CNTN5: variants seen among roughly 807,000 people sequenced by gnomAD.
CNTN5 encodes the protein contactin 5.
Under a neutral mutation model 129.1 loss-of-function variants are expected in CNTN5, and 77 were observed. The observed-to-expected ratio is 0.60, with a 90% confidence interval of 0.50 to 0.72. The LOEUF (loss-of-function observed/expected upper bound fraction) is 0.72. Ranked by LOEUF, CNTN5 falls within the 30% of genes least tolerant of loss-of-function variation. The pLI, the probability that CNTN5 is intolerant of heterozygous loss-of-function variation, is 0.00. For missense variants in CNTN5, 1,478 were observed against 1,328.8 expected, an observed-to-expected ratio of 1.11 and a Z score of -1.75; for synonymous variants, 509 against 465.6, an observed-to-expected ratio of 1.09 and a Z score of -1.20.
At chr11:99,876,719 T>A (rs2135837068) in intron 6 of CNTN5, among the ~76,000 whole-genome samples, 1 of 152,322 alleles carries the variant, frequency 6.6e-6, no homozygotes, top group East Asian at 1.9e-4. Flanking sequence ...ATTATGTCAA[T>A]GCCCCTAAAC....
chr11:99,892,024 T>C (rs758550812), intron 6 of CNTN5, among the ~76,000 whole-genome samples: 16 of 152,228 alleles, frequency 1.1e-4, no homozygotes, highest in Non-Finnish European at 2.2e-4. Flanking sequence ...ATCGTCATTC[T>C]AACTGGCCTG....
intron 1 of CNTN5, among the ~76,000 whole-genome samples, chr11:99,303,494 A>G (rs987840609): frequency 1.3e-5 from 2 of 150,874 alleles, no homozygotes; most frequent in African/African-American, 2.4e-5. Flanking sequence ...AATTATATCT[A>G]GCTTGTGACC....
At chr11:100,027,089 A>G (rs1341414623) in intron 9 of CNTN5, among the ~76,000 whole-genome samples, 1 of 152,140 alleles carries the variant, frequency 6.6e-6, no homozygotes, top group African/African-American at 2.4e-5. Context: ...AACACATGAA[A>G]TGTAGTTATA....
At chr11:99,772,296 G>C (rs1324538225) in intron 3 of CNTN5, among the ~76,000 whole-genome samples, 3 of 152,016 alleles carry the variant, frequency 2.0e-5, no homozygotes, top group Non-Finnish European at 4.4e-5. Context: ...CTATTGCAAT[G>C]TAGTGTGATA....
intron 7 of CNTN5, among the ~76,000 whole-genome samples, chr11:99,950,942 T>G (rs374431008): frequency 1.3e-4 from 20 of 152,224 alleles, no homozygotes; most frequent in African/African-American, 4.8e-4. Context: ...TTCCACTGGT[T>G]CTTTCACCTA....
chr11:99,818,044 T>C (rs1227800099), intron 3 of CNTN5, among the ~76,000 whole-genome samples: 1 of 152,122 alleles, frequency 6.6e-6, no homozygotes, highest in Non-Finnish European at 1.5e-5. Flanking sequence ...GAACAGAAAA[T>C]ATTAAACTTA....
intron 1 of CNTN5, among the ~76,000 whole-genome samples, chr11:99,106,612 A>T (rs1042932812): frequency 3.3e-5 from 5 of 152,212 alleles, no homozygotes; most frequent in East Asian, 3.9e-4. Context: ...ACAGACATAT[A>T]TGTGTATATG....
intron 1 of CNTN5, among the ~76,000 whole-genome samples, chr11:99,241,321 T>G (rs74976001): frequency 1.4e-3 from 199 of 142,598 alleles, no homozygotes; most frequent in African/African-American, 4.9e-3. Context: ...ATTGTTGGTT[T>G]TTTTTTTTTT....
At chr11:99,613,369 T>C (rs1950653382) in intron 3 of CNTN5, among the ~76,000 whole-genome samples, 1 of 152,210 alleles carries the variant, frequency 6.6e-6, no homozygotes, top group African/African-American at 2.4e-5. Flanking sequence ...GAAGGGTCCT[T>C]GCTTCTCTTT....
chr11:99,667,108 TTA>T (rs1487058200), intron 3 of CNTN5, among the ~76,000 whole-genome samples: 1 of 152,026 alleles, frequency 6.6e-6, no homozygotes. Flanking sequence ...TCTCTAGAAA[TTA>T]TGTTGTATTA....
At chr11:100,257,195 C>T (rs150706316) in intron 17 of CNTN5, among the ~76,000 whole-genome samples, 3,517 of 152,206 alleles carry the variant, frequency 0.023, 63 homozygotes, top group Non-Finnish European at 0.035. Flanking sequence ...CAGAGCCCAC[C>T]GCAGCTCAGC....
chr11:99,432,391 T>A (rs1943408113), intron 2 of CNTN5, among the ~76,000 whole-genome samples: 1 of 152,086 alleles, frequency 6.6e-6, no homozygotes, highest in Non-Finnish European at 1.5e-5. Flanking sequence ...CGTAGAAGAT[T>A]TAACCAGAGT....
chr11:100,314,846 G>A (rs992672949), intron 21 of CNTN5, among the ~76,000 whole-genome samples: 5 of 152,026 alleles, frequency 3.3e-5, no homozygotes, highest in Non-Finnish European at 7.4e-5. Context: ...CCCTAAGTTG[G>A]CAGTCAAATT....
intron 15 of CNTN5, among the ~76,000 whole-genome samples, chr11:100,196,160 G>A (rs115310754): frequency 1.3e-3 from 203 of 152,064 alleles, no homozygotes; most frequent in African/African-American, 4.2e-3. Context: ...GACTTAAGCA[G>A]GAATAGAGTG....
At chr11:99,794,646 A>G (rs1343763672) in intron 3 of CNTN5, among the ~76,000 whole-genome samples, 3 of 152,144 alleles carry the variant, frequency 2.0e-5, no homozygotes, top group Non-Finnish European at 4.4e-5. Flanking sequence ...GCATTTACTT[A>G]TCTGTAAAGA....
chr11:100,027,522 C>T (rs1051790215), intron 9 of CNTN5, among the ~76,000 whole-genome samples: 43 of 152,114 alleles, frequency 2.8e-4, no homozygotes, highest in African/African-American at 9.9e-4. Flanking sequence ...GAGCACTGGT[C>T]CTTCTAATCC....
intron 13 of CNTN5, among the ~76,000 whole-genome samples, chr11:100,110,178 C>A (rs1245832155): frequency 6.8e-6 from 1 of 146,116 alleles, no homozygotes; most frequent in African/African-American, 2.6e-5. Context: ...CAGAGTGAGA[C>A]CCTATCTAAA....
At chr11:99,356,193 C>CT (rs2136095582) in intron 2 of CNTN5, among the ~76,000 whole-genome samples, 1 of 152,160 alleles carries the variant, frequency 6.6e-6, no homozygotes, top group East Asian at 1.9e-4. Context: ...TAACCACCCC[C>CT]CCCCAACCAA....
intron 2 of CNTN5, among the ~76,000 whole-genome samples, chr11:99,505,208 G>A (rs1946572660): frequency 6.6e-6 from 1 of 151,966 alleles, no homozygotes; most frequent in Non-Finnish European, 1.5e-5. Flanking sequence ...TTAAAGAATG[G>A]GTGACCATTT....
Sources: allele counts gnomAD v4.1 joint callset (sites outside exome capture counted in the v4.1 genomes callset), GRCh38; gene constraint gnomAD v4.1.1; transcripts MANE v1.5; gene names NCBI Gene and HGNC (gene_info 2026-07-23, HGNC 2026-07-21).